Variants in TECPR2 observed in about 807,000 individuals in gnomAD.
TECPR2 encodes the protein tectonin beta-propeller repeat containing 2.
TECPR2 carries 65 observed loss-of-function variants against 138.1 expected under a neutral mutation model. The observed-to-expected ratio is 0.47, with a 90% CI of 0.39 to 0.58. The LOEUF (loss-of-function observed/expected upper bound fraction) is 0.58. Ranked by LOEUF, TECPR2 falls within the 20% of genes least tolerant of loss-of-function variation. The pLI is 0.00. For synonymous variants in TECPR2, 746 were observed against 749.8 expected, an observed-to-expected ratio of 0.99 and a Z score of 0.08; for missense variants, 1,553 against 1,824.5, an observed-to-expected ratio of 0.85 and a Z score of 2.71.
At chr14:102,454,673 G>T (rs1314416564) in intron 16 of TECPR2, among the ~76,000 whole-genome samples, 1 of 152,182 alleles carries the variant, frequency 6.6e-6, no homozygotes, top group Non-Finnish European at 1.5e-5. Flanking sequence ...TTCTCCAGCA[G>T]CTCCTACCCA....
chr14:102,372,423 G>A (rs1427159648), intron 1 of TECPR2, among the ~76,000 whole-genome samples: 1 of 151,954 alleles, frequency 6.6e-6, no homozygotes, highest in African/African-American at 2.4e-5. Flanking sequence ...GCGCCACCAC[G>A]CCCAGGTAAT....
intron 2 of TECPR2, among the ~76,000 whole-genome samples, chr14:102,387,945 C>T (rs185803039): frequency 1.3e-5 from 2 of 152,256 alleles, no homozygotes; most frequent in Admixed American, 6.5e-5. Context: ...TCCAAGAAAA[C>T]GGAAGGGAAA....
rs10148952 is a variant in TECPR2, at chr14:102,441,675, G to C, written c.2752+1066G>C. 4.6e-5 allele frequency among the ~76,000 whole-genome samples: 7 copies of C among 152,110 alleles called. No individual in the cohort carries two copies. In the East Asian group the frequency reaches 1.4e-3, roughly 30 times the overall value. On this transcript the variant is annotated intron_variant, in intron 11 of 19. Coordinates refer to ENST00000359520, the MANE Select transcript of TECPR2 (RefSeq NM_014844.5). The stretch of plus-strand genomic sequence containing the variant: ...ACTGCACTCTCCAGCCTGGTGACAG[G>C]GCGAGACTCCGTCTCAAAACAAAAC...
chr14:102,388,553 G>T lies in TECPR2; in HGVS notation c.219+11613G>T, dbSNP rs149251368. 8.7e-3 allele frequency among the ~76,000 whole-genome samples: 1,319 copies of T among 152,190 alleles called. 16 individuals are homozygous for T. Among genetic ancestry groups the T allele is most frequent in the African/African-American group, 0.026 (1,079 of 41,522 alleles). On this transcript the variant is annotated intron_variant, in intron 2 of 19. Transcript: ENST00000359520. ...TACTAAAAATACAAAAATTGGCTGGGCGCAGTGGCTCACGCCTGTTAACCC... is the reference window on the plus strand; with the variant it reads ...TACTAAAAATACAAAAATTGGCTGGTCGCAGTGGCTCACGCCTGTTAACCC...
rs573719989 is a variant in TECPR2 at position 102,497,102 on chromosome 14, G to A, written c.3913G>A (p.Ala1305Thr). ...GITEEMPVGT[A>T]WEHVPGLQAC... ...CACCGAGGAGATGCCTGTGGGGACC[G>A]CCTGGGAGCATGTGCCAGGTAGGAG... The change falls in exon 18 of 20, where the codon GCC becomes ACC. Residue 1305 changes from alanine (A) to threonine (T), a missense_variant. Ala to Thr is a moderately conservative substitution (Grantham distance 58, BLOSUM62 0). Coordinates refer to ENST00000359520, the MANE Select transcript of TECPR2 (RefSeq NM_014844.5). 18 of 1,611,912 alleles carry A rather than the reference G, an allele frequency of 1.1e-5. No homozygotes were observed. Among genetic ancestry groups the A allele is most frequent in the East Asian group, 8.9e-5 (4 of 44,878 alleles).
chr14:102,374,334 T>G (rs1005050187), intron 1 of TECPR2, among the ~76,000 whole-genome samples: 3 of 152,344 alleles, frequency 2.0e-5, no homozygotes, highest in African/African-American at 7.2e-5. Context: ...CTTCTGTTCT[T>G]GTCACTCATT....
chr14:102,370,482 G>A (rs142080331), intron 1 of TECPR2, among the ~76,000 whole-genome samples: 1 of 152,224 alleles, frequency 6.6e-6, no homozygotes, highest in Non-Finnish European at 1.5e-5. Flanking sequence ...AGATACGAAA[G>A]TGCCTGCCAG....
At chr14:102,492,260 G>A (rs1054227711) in intron 17 of TECPR2, among the ~76,000 whole-genome samples, 3 of 152,218 alleles carry the variant, frequency 2.0e-5, no homozygotes, top group Admixed American at 1.3e-4. Flanking sequence ...TGAGGGCCCT[G>A]CCAGGGAGTG....
chr14:102,388,988 G>T (rs1888096641), intron 2 of TECPR2, among the ~76,000 whole-genome samples: 1 of 147,740 alleles, frequency 6.8e-6, no homozygotes, highest in Admixed American at 6.8e-5. Context: ...AAATTAGCTG[G>T]ATGTGGTGGC....
chr14:102,460,928 C>A (rs1890394402), intron 16 of TECPR2, among the ~76,000 whole-genome samples: 4 of 152,014 alleles, frequency 2.6e-5, no homozygotes. Flanking sequence ...ATCTCCTGAT[C>A]TTGTGATCCA....
chr14:102,363,486 G>A (rs1597754403), intron 1 of TECPR2, among the ~76,000 whole-genome samples: 2 of 152,178 alleles, frequency 1.3e-5, no homozygotes, highest in South Asian at 4.1e-4. Flanking sequence ...GATTGACGTC[G>A]TGTTCTGTCC....
chr14:102,481,714 G>A (rs1454981224), intron 17 of TECPR2, among the ~76,000 whole-genome samples: 1 of 152,208 alleles, frequency 6.6e-6, no homozygotes, highest in Non-Finnish European at 1.5e-5. Flanking sequence ...TGCCCTCTCT[G>A]GAGAGTTCCT....
At chr14:102,471,800 A>G (rs927077654) in intron 17 of TECPR2, among the ~76,000 whole-genome samples, 5 of 152,068 alleles carry the variant, frequency 3.3e-5, no homozygotes, top group African/African-American at 1.2e-4. Context: ...TCTTTTCAAA[A>G]CACCTCCTTT....
chr14:102,450,768 G>A (rs190911575), intron 15 of TECPR2, 119 bp downstream of exon 15: 25 of 989,494 alleles, frequency 2.5e-5, no homozygotes, highest in African/African-American at 6.4e-5. Flanking sequence ...GACTGACCAC[G>A]TGAGGGTGTC....
At chr14:102,395,159 G>C (rs1888282959) in intron 2 of TECPR2, among the ~76,000 whole-genome samples, 1 of 152,158 alleles carries the variant, frequency 6.6e-6, no homozygotes, top group Non-Finnish European at 1.5e-5. Context: ...ATGAAAGTGA[G>C]CTCCTTCATT....
chr14:102,375,032 G>A (rs774246144), intron 1 of TECPR2, among the ~76,000 whole-genome samples: 42 of 152,248 alleles, frequency 2.8e-4, no homozygotes, highest in Non-Finnish European at 3.4e-4. Flanking sequence ...GAAAGGAGAT[G>A]TGTGGATAGG....
At chr14:102,471,850 A>G (rs953547547) in intron 17 of TECPR2, among the ~76,000 whole-genome samples, 2 of 151,662 alleles carry the variant, frequency 1.3e-5, no homozygotes, top group Non-Finnish European at 2.9e-5. Flanking sequence ...TCTATCCTCT[A>G]TTTCTTCTAT....
chr14:102,440,723 A>G, intron 11 of TECPR2, 114 bp downstream of exon 11: 1 of 1,284,826 alleles, frequency 7.8e-7, no homozygotes, highest in East Asian at 2.5e-5. Flanking sequence ...GGCTAAATCC[A>G]TTCGAATTAA....
chr14:102,471,130 T>G (rs1890645662), intron 17 of TECPR2, among the ~76,000 whole-genome samples: 1 of 151,784 alleles, frequency 6.6e-6, no homozygotes, highest in Non-Finnish European at 1.5e-5. Flanking sequence ...TTTTATATTT[T>G]TAGTAGAGAT....
Sources: gnomAD v4.1 joint callset for allele counts (sites outside exome capture counted in the v4.1 genomes callset) on GRCh38, gnomAD v4.1.1 for gene constraint, MANE v1.5 for transcripts, NCBI Gene and HGNC (gene_info 2026-07-23, HGNC 2026-07-21) for gene names.